Variants in HMGB1 observed in about 807,000 individuals in gnomAD.
HMGB1 encodes the protein high mobility group protein B1.
For missense variants in HMGB1, 79 were observed against 253.5 expected, an observed-to-expected ratio of 0.31 and a Z score of 4.67; for synonymous variants, 81 against 84.0, an observed-to-expected ratio of 0.96 and a Z score of 0.19.
chr13:30,549,304 G>A (rs1869309780), intron 1 of HMGB1, among the ~76,000 whole-genome samples: 2 of 152,138 alleles, frequency 1.3e-5, no homozygotes, highest in African/African-American at 2.4e-5. Flanking sequence ...AAATACGAAT[G>A]TCTGACCAGA....
chr13:30,615,971 T>G (rs1482526508), intron 1 of HMGB1, among the ~76,000 whole-genome samples: 2 of 152,218 alleles, frequency 1.3e-5, no homozygotes, highest in Admixed American at 6.5e-5. Context: ...GCAATTAGCT[T>G]TAATCCCACT....
At chr13:30,556,775 T>C (rs558078482) in intron 1 of HMGB1, among the ~76,000 whole-genome samples, 26 of 152,320 alleles carry the variant, frequency 1.7e-4, no homozygotes, top group African/African-American at 5.8e-4. Flanking sequence ...ACAGAGAGAT[T>C]TGTTAAAAGA....
chr13:30,590,771 T>C (rs1370521582), intron 1 of HMGB1, among the ~76,000 whole-genome samples: 2 of 152,194 alleles, frequency 1.3e-5, no homozygotes, highest in Non-Finnish European at 2.9e-5. Context: ...GATGAGCACC[T>C]GAGGTAGCCT....
At chr13:30,533,369 T>C (rs1011018597) in intron 1 of HMGB1, among the ~76,000 whole-genome samples, 8 of 152,170 alleles carry the variant, frequency 5.3e-5, no homozygotes, top group African/African-American at 1.9e-4. Context: ...CAAACTTTGT[T>C]TTTTGTTGTT....
At chr13:30,593,812 G>A (rs1871480104) in intron 1 of HMGB1, among the ~76,000 whole-genome samples, 1 of 152,148 alleles carries the variant, frequency 6.6e-6, no homozygotes, top group African/African-American at 2.4e-5. Flanking sequence ...AAAAGGAGTG[G>A]GGAGAGGTCT....
chr13:30,582,234 C>T (rs1220522258), intron 1 of HMGB1, among the ~76,000 whole-genome samples: 1 of 152,212 alleles, frequency 6.6e-6, no homozygotes, highest in African/African-American at 2.4e-5. Context: ...ATTAGCACAA[C>T]TTATCCTTGT....
At chr13:30,586,186 C>T (rs1005604347) in intron 1 of HMGB1, among the ~76,000 whole-genome samples, 1 of 152,296 alleles carries the variant, frequency 6.6e-6, no homozygotes, top group Admixed American at 6.5e-5. Flanking sequence ...TCTACCTCAG[C>T]TGGGACTACA....
chr13:30,464,832 G>A (rs1886643547), intron 1 of HMGB1: 1 of 148,714 alleles, frequency 6.7e-6, no homozygotes, highest in African/African-American at 2.5e-5. Flanking sequence ...CGGCGGCGGC[G>A]GCGGGCGGGG....
intron 1 of HMGB1, among the ~76,000 whole-genome samples, chr13:30,489,636 C>T (rs764642754): frequency 6.6e-6 from 1 of 151,928 alleles, no homozygotes; most frequent in Non-Finnish European, 1.5e-5. Flanking sequence ...AGTCAGGATA[C>T]GAATAGATTC....
Position 30,561,702 on chromosome 13 carries a change from G to A in HMGB1, c.-15+54969C>T, listed in dbSNP as rs139040240. The stretch of plus-strand genomic sequence containing the variant: ...GCATAGTTAGAAATAAAGGGGAGTC[G>A]CCAGAAAGGAATTTGTGGCTAAGCA... On this transcript the variant is annotated intron_variant, in intron 1 of 4. Transcript: ENST00000405805. Among the ~76,000 whole-genome samples the A allele has an allele frequency of 7.8e-3, 1,190 of 152,234 alleles. 9 individuals carry two copies. Among genetic ancestry groups the A allele is most frequent in the Middle Eastern group, 0.014 (4 of 294 alleles).
intron 1 of HMGB1, among the ~76,000 whole-genome samples, chr13:30,515,999 A>G (rs1888093718): frequency 6.6e-6 from 1 of 152,220 alleles, no homozygotes; most frequent in South Asian, 2.1e-4. Flanking sequence ...AGTCTGGCAA[A>G]TGCTACATAC....
chr13:30,515,463 C>T (rs1263563343), intron 1 of HMGB1, among the ~76,000 whole-genome samples: 1 of 152,174 alleles, frequency 6.6e-6, no homozygotes, highest in Non-Finnish European at 1.5e-5. Flanking sequence ...ACTAATAGTA[C>T]TTCTCTTCAG....
At chr13:30,527,332 T>G (rs1257947388) in intron 1 of HMGB1, among the ~76,000 whole-genome samples, 1 of 152,100 alleles carries the variant, frequency 6.6e-6, no homozygotes, top group Non-Finnish European at 1.5e-5. Context: ...GGAAGGAACC[T>G]CTCGGGATGG....
chr13:30,591,661 C>T (rs1240388115), intron 1 of HMGB1, among the ~76,000 whole-genome samples: 2 of 152,062 alleles, frequency 1.3e-5, no homozygotes. Context: ...AGGCGCATGC[C>T]ACTACATCTG....
At position 30,544,545 on chromosome 13, in the gene HMGB1, T is replaced by G. The variant is rs114598809; in HGVS notation, c.-15+72126A>C. 3.6e-3 allele frequency among the ~76,000 whole-genome samples: 549 copies of G among 152,320 alleles called. 2 individuals carry two copies. The highest frequency in any genetic ancestry group is 0.012 in the African/African-American group (517 of 41,578). On this transcript the variant is annotated intron_variant, in intron 1 of 4. Transcript: ENST00000405805. ...CGCTTCCATAAAACCCTCAAAGGAC[T>G]GGGTTCGCAGAGCTTCCAGACAGCT... is the stretch of plus-strand genomic sequence containing the variant.
At chr13:30,473,008 T>C (rs1191027921) in intron 1 of HMGB1, among the ~76,000 whole-genome samples, 1 of 152,166 alleles carries the variant, frequency 6.6e-6, no homozygotes, top group African/African-American at 2.4e-5. Context: ...CACCGAGGTC[T>C]ATGCTCAGTT....
intron 1 of HMGB1, among the ~76,000 whole-genome samples, chr13:30,521,272 A>G (rs560270404): frequency 1.3e-5 from 2 of 152,308 alleles, no homozygotes; most frequent in East Asian, 3.9e-4. Flanking sequence ...AAAATGAAAA[A>G]TTCAATGGAG....
chr13:30,513,827 G>A (rs1888043844), intron 1 of HMGB1, among the ~76,000 whole-genome samples: 1 of 152,118 alleles, frequency 6.6e-6, no homozygotes, highest in African/African-American at 2.4e-5. Context: ...GTTGCAGTGG[G>A]GATCAAGTTT....
chr13:30,577,138 T>C (rs1870690710), intron 1 of HMGB1, among the ~76,000 whole-genome samples: 1 of 150,928 alleles, frequency 6.6e-6, no homozygotes, highest in African/African-American at 2.4e-5. Flanking sequence ...AGGAGAGGAG[T>C]CTGAGACCAG....
Sources: gnomAD v4.1 joint callset for allele counts (sites outside exome capture counted in the v4.1 genomes callset) on GRCh38, gnomAD v4.1.1 for gene constraint, MANE v1.5 for transcripts, NCBI Gene and HGNC (gene_info 2026-07-23, HGNC 2026-07-21) for gene names.